The following ELFN2 variants were observed in gnomAD, a reference collection of about 807,000 sequenced individuals.
ELFN2 encodes the protein protein phosphatase 1 regulatory subunit 29.
ELFN2 carries 17 observed loss-of-function variants against 45.5 expected under a neutral mutation model. The ratio of observed to expected loss-of-function variants is 0.37; its 90% CI spans 0.26 to 0.56. The LOEUF is 0.56. ELFN2 is among the 20% of genes least tolerant of loss of function. The pLI is 0.77. For synonymous variants in ELFN2, 550 were observed against 551.5 expected (o/e 1.00, Z 0.04); for missense variants, 922 against 1,183.2 (o/e 0.78, Z 3.24).
At chr22:37,377,115 C>T (rs1350948188) in intron 2 of ELFN2, among the ~76,000 whole-genome samples, 2 of 152,216 alleles carry the variant, frequency 1.3e-5, no homozygotes, top group African/African-American at 4.8e-5. Flanking sequence ...GGACTCATGC[C>T]GCCCATTTGC....
intron 2 of ELFN2, among the ~76,000 whole-genome samples, chr22:37,341,246 G>T (rs1400077500): frequency 2.0e-5 from 3 of 152,170 alleles, no homozygotes; most frequent in African/African-American, 7.2e-5. Context: ...CATGGCAGGG[G>T]CGTAGGGCAG....
At chr22:37,406,120 C>A (rs1238334642) in intron 2 of ELFN2, among the ~76,000 whole-genome samples, 1 of 152,062 alleles carries the variant, frequency 6.6e-6, no homozygotes, top group Non-Finnish European at 1.5e-5. Context: ...CCAGCCTGGG[C>A]AACAGGGTGA....
chr22:37,382,838 C>T (rs1319053155), intron 2 of ELFN2, among the ~76,000 whole-genome samples: 1 of 152,156 alleles, frequency 6.6e-6, no homozygotes, highest in African/African-American at 2.4e-5. Context: ...ACCCAGCCAC[C>T]GTACCTGGCC....
chr22:37,390,627 G>T (rs780571444), intron 2 of ELFN2, among the ~76,000 whole-genome samples: 2 of 152,194 alleles, frequency 1.3e-5, no homozygotes, highest in Non-Finnish European at 2.9e-5. Context: ...GCCTGGGCAG[G>T]CCTGGGTGTT....
At chr22:37,387,182 C>T (rs1931969627) in intron 2 of ELFN2, among the ~76,000 whole-genome samples, 1 of 152,202 alleles carries the variant, frequency 6.6e-6, no homozygotes, top group Non-Finnish European at 1.5e-5. Context: ...TGCCTCTGTC[C>T]CTGTCCCCTC....
chr22:37,426,650 A>AAC lies in ELFN2; in HGVS notation c.-614+646_-614+647dup, dbSNP rs3041620. On this transcript the variant is annotated intron_variant, in intron 1 of 2. Coordinates refer to ENST00000402918, the MANE Select transcript of ELFN2 (RefSeq NM_052906.5). ...TGGCACGCGCTCGCACACACACACA[A>AAC]ACACACACACACACACACACCCGGC... 2.6e-3 allele frequency among the ~76,000 whole-genome samples: 379 copies of AAC among 144,164 alleles called. 1 individual carries two copies. Among genetic ancestry groups the AAC allele is most frequent in the African/African-American group, 8.1e-3 (311 of 38,454 alleles). The allele number at this position is 144,164 out of a possible 152,430, so 94.6% of individuals were successfully genotyped here. A position where few individuals can be genotyped will look rare whatever the true frequency, so the allele number is the denominator to read the frequency against.
chr22:37,379,245 C>G (rs944014132), intron 2 of ELFN2, among the ~76,000 whole-genome samples: 1 of 152,130 alleles, frequency 6.6e-6, no homozygotes, highest in African/African-American at 2.4e-5. Context: ...GCTTCCCTCC[C>G]GCAGCCCAGA....
downstream of ELFN2, among the ~76,000 whole-genome samples, chr22:37,367,311 T>C (rs968876950): frequency 1.3e-5 from 2 of 152,042 alleles, no homozygotes; most frequent in African/African-American, 4.8e-5. Context: ...AGACAAGGCA[T>C]CTCCTAAATC....
intron 1 of ELFN2, among the ~76,000 whole-genome samples, chr22:37,426,649 A>G (rs1932853276): frequency 8.3e-6 from 1 of 119,940 alleles, no homozygotes; most frequent in African/African-American, 2.8e-5. Flanking sequence ...ACACACACAC[A>G]AACACACACA....
At position 37,389,471 on chromosome 22, in the gene ELFN2, G is replaced by A. The variant is rs573350540; in HGVS notation, c.-462-13475C>T. On this transcript the variant is annotated intron_variant, in intron 2 of 2. Transcript: ENST00000402918. ...CCCACCTGTCCCCATCCCCTGGGCC[G>A]AGACCTTATGCCTCCTCCTCTGAGA... Among the ~76,000 whole-genome samples, 24 of 152,220 alleles carry A rather than the reference G, an allele frequency of 1.6e-4. No homozygotes were observed. In the East Asian group the frequency reaches 4.0e-3, roughly 26 times the overall value.
intron 2 of ELFN2, among the ~76,000 whole-genome samples, chr22:37,403,814 G>A (rs377013514): frequency 2.0e-5 from 3 of 152,228 alleles, no homozygotes; most frequent in African/African-American, 4.8e-5. Context: ...ACCTGCACAC[G>A]CCGAGGAGAC....
At chr22:37,426,725 C>G (rs1035009492) in intron 1 of ELFN2, 5 of 153,820 alleles carry the variant, frequency 3.3e-5, no homozygotes, top group African/African-American at 1.2e-4. Flanking sequence ...TATGCCGCCT[C>G]CCTGGGCTGC....
chr22:37,424,680 C>CGG (rs133725), intron 1 of ELFN2, among the ~76,000 whole-genome samples: 1 of 146,244 alleles, frequency 6.8e-6, no homozygotes, highest in African/African-American at 2.5e-5. Flanking sequence ...CTGAGGGCGG[C>CGG]GGGGGGGGGG....
At chr22:37,393,781 C>T (rs1932141682) in intron 2 of ELFN2, among the ~76,000 whole-genome samples, 1 of 152,208 alleles carries the variant, frequency 6.6e-6, no homozygotes, top group South Asian at 2.1e-4. Context: ...AGCACTCGGC[C>T]ACCCTCTTGC....
chr22:37,347,907 C>T (rs2145610576), intron 1 of ELFN2, among the ~76,000 whole-genome samples: 1 of 152,344 alleles, frequency 6.6e-6, no homozygotes. Flanking sequence ...GCCTACAGCT[C>T]TTCAGCCTGT....
At position 37,369,257 on chromosome 22, in the gene ELFN2, G is replaced by A. The variant is rs1426682229; in HGVS notation, c.*3815C>T. ...CGACCAACTTCCAGTTGAGAACATG[G>A]GTGACTCTCGGCCAGCCTGATACTC... On this transcript the variant is annotated 3_prime_UTR_variant, in exon 3 of 3. Transcript: ENST00000402918. 1.3e-5 allele frequency: 2 copies of A among 152,306 alleles called. No homozygotes were observed. The highest frequency in any genetic ancestry group is 4.8e-5 in the African/African-American group (2 of 41,524). 9.4% of individuals were successfully genotyped at this position (152,306 alleles called of 1,614,324 possible). A position where few individuals can be genotyped will look rare whatever the true frequency, so the allele number is the denominator to read the frequency against.
intron 2 of ELFN2, among the ~76,000 whole-genome samples, chr22:37,412,081 A>G (rs1005932785): frequency 1.3e-5 from 2 of 151,992 alleles, no homozygotes; most frequent in Non-Finnish European, 2.9e-5. Flanking sequence ...CTGTACACTC[A>G]GGCCTGTAAT....
Position 37,375,633 on chromosome 22 carries a change from C to T in ELFN2, c.-99G>A. ...CAGTCCTCCCTGGGGCCGCCACCATCTTGGGGGCGACCCCCAGCACGGGGG... is the reference window on the plus strand; with the variant it reads ...CAGTCCTCCCTGGGGCCGCCACCATTTTGGGGGCGACCCCCAGCACGGGGG... On this transcript the variant is annotated 5_prime_UTR_variant, in exon 3 of 3. Transcript: ENST00000402918. 7.2e-7 allele frequency: 1 copy of T among 1,388,696 alleles called. No homozygotes were observed. The highest frequency in any genetic ancestry group is 9.6e-7 in the Non-Finnish European group (1 of 1,044,960). 86.0% of individuals were successfully genotyped at this position (1,388,696 alleles called of 1,614,324 possible). A position where few individuals can be genotyped will look rare whatever the true frequency, so the allele number is the denominator to read the frequency against.
At position 37,368,660 on chromosome 22, in the gene ELFN2, C is replaced by G. The variant is rs1023045999; in HGVS notation, c.*4412G>C. ...CAGGAGAGGTGGCAATGGGGCCAGCCAGGCAAGGCTGCCCTAACCTTCACA... is the reference window on the plus strand; with the variant it reads ...CAGGAGAGGTGGCAATGGGGCCAGCGAGGCAAGGCTGCCCTAACCTTCACA... On this transcript the variant is annotated 3_prime_UTR_variant, in exon 3 of 3. Transcript: ENST00000402918. 1 of 152,322 alleles carries G rather than the reference C, an allele frequency of 6.6e-6. No homozygotes were observed. The highest frequency in any genetic ancestry group is 2.4e-5 in the African/African-American group (1 of 41,458). 9.4% of individuals were successfully genotyped at this position (152,322 alleles called of 1,614,324 possible).
Sources: allele counts gnomAD v4.1 joint callset (sites outside exome capture counted in the v4.1 genomes callset), GRCh38; gene constraint gnomAD v4.1.1; transcripts MANE v1.5; gene names NCBI Gene and HGNC (gene_info 2026-07-23, HGNC 2026-07-21).